EMILIN2: variants seen among roughly 807,000 people sequenced by gnomAD.
The protein encoded by EMILIN2 is elastin microfibril interfacer 2, also known as EMILIN-2.
EMILIN2 carries 71 observed loss-of-function variants against 87.1 expected under a neutral mutation model. The ratio of observed to expected loss-of-function variants is 0.82; its 90% CI spans 0.67 to 0.99. EMILIN2 has a LOEUF of 0.99. EMILIN2 is among the 50% of genes least tolerant of loss of function. The probability of loss-of-function intolerance (pLI) is 0.00; values close to 1 mark genes in which losing one functional copy is unlikely to be tolerated. For synonymous variants in EMILIN2, 581 were observed against 563.4 expected (o/e 1.03, Z -0.44); for missense variants, 1,407 against 1,371.8 (o/e 1.03, Z -0.40).
At position 2,914,232 on chromosome 18, in the gene EMILIN2, A is replaced by G. The variant is rs2076955756; in HGVS notation, c.*828A>G. The G allele has an allele frequency of 6.6e-6, 1 of 152,256 alleles. No homozygotes were observed. The highest frequency in any genetic ancestry group is 6.5e-5 in the Admixed American group (1 of 15,284). 9.4% of individuals were successfully genotyped at this position (152,256 alleles called of 1,614,324 possible). On this transcript the variant is annotated 3_prime_UTR_variant, in exon 8 of 8. Coordinates refer to ENST00000254528, the MANE Select transcript of EMILIN2 (RefSeq NM_032048.3). ...TGTTACCCCTCCGCATCCAAGCTAT[A>G]CACTTGGGTTTTGTTTCTGGCTTGT...
rs1171119474 is a variant in EMILIN2, at chr18:2,887,041, T to G, written c.433+1902T>G. ...CCCCTTGCTTTGCTTGAGCATGTCC[T>G]TTAGTAGCTTCATGAGACAATTACA... On this transcript the variant is annotated intron_variant, in intron 3 of 7. Coordinates refer to ENST00000254528, the MANE Select transcript of EMILIN2 (RefSeq NM_032048.3). Among the ~76,000 whole-genome samples, 3 of 152,224 alleles carry G rather than the reference T, an allele frequency of 2.0e-5. No individual in the cohort carries two copies. The East Asian group carries it at 5.8e-4, about 29-fold the overall frequency.
intron 2 of EMILIN2, among the ~76,000 whole-genome samples, chr18:2,852,071 A>C (rs549849621): frequency 1.3e-5 from 2 of 152,206 alleles, no homozygotes; most frequent in African/African-American, 4.8e-5. Context: ...TAGGTTGCAC[A>C]GTACTCAACT....
Position 2,858,553 on chromosome 18 carries a change from ATATATATATATATATATG to A in EMILIN2, c.257+10624_257+10641del, listed in dbSNP as rs1214387564. Among the ~76,000 whole-genome samples the A allele has an allele frequency of 5.2e-4, 26 of 50,046 alleles. 1 individual carries two copies. Among genetic ancestry groups the A allele is most frequent in the East Asian group, 2.5e-3 (2 of 814 alleles). 32.8% of individuals were successfully genotyped at this position (50,046 alleles called of 152,430 possible). A position where few individuals can be genotyped will look rare whatever the true frequency, so the allele number is the denominator to read the frequency against. On this transcript the variant is annotated intron_variant, in intron 2 of 7. Coordinates refer to ENST00000254528, the MANE Select transcript of EMILIN2 (RefSeq NM_032048.3). Reference sequence around the variant, plus strand: ...TATATATATATATATATATATATATATATATATATATATATATGTGTGTGTGTGTGTATATATATATAT... The same window carrying A: ...TATATATATATATATATATATATATATGTGTGTGTGTGTATATATATATAT...
chr18:2,858,583 GTATATATATATATATATA>G (rs1555665466), intron 2 of EMILIN2, among the ~76,000 whole-genome samples: 25 of 63,030 alleles, frequency 4.0e-4, no homozygotes, highest in Non-Finnish European at 3.6e-4. Flanking sequence ...GTGTGTGTGT[GTATATATATATATATATA>G]TGTGTATATA....
At chr18:2,849,762 G>A (rs1346748929) in intron 2 of EMILIN2, among the ~76,000 whole-genome samples, 2 of 152,208 alleles carry the variant, frequency 1.3e-5, no homozygotes, top group African/African-American at 4.8e-5. Flanking sequence ...TAAGTGTGAA[G>A]TTTAAGAAAC....
intron 2 of EMILIN2, among the ~76,000 whole-genome samples, chr18:2,874,047 A>G (rs2076735530): frequency 6.6e-6 from 1 of 152,218 alleles, no homozygotes; most frequent in African/African-American, 2.4e-5. Context: ...CTTAAAGGAC[A>G]TCATAGTTGT....
intron 2 of EMILIN2, among the ~76,000 whole-genome samples, chr18:2,868,458 T>TGCA (rs1555666365): frequency 6.6e-6 from 1 of 151,468 alleles, no homozygotes; most frequent in Non-Finnish European, 1.5e-5. Context: ...GGCTGGGAGG[T>TGCA]GGTTGCAGCC....
intron 2 of EMILIN2, among the ~76,000 whole-genome samples, chr18:2,860,467 T>A (rs1181807702): frequency 6.6e-6 from 1 of 152,202 alleles, no homozygotes; most frequent in Non-Finnish European, 1.5e-5. Context: ...AATTCCCACC[T>A]GTGAGTGAGA....
At chr18:2,887,473 G>T (rs1399154444) in intron 3 of EMILIN2, among the ~76,000 whole-genome samples, 1 of 127,324 alleles carries the variant, frequency 7.9e-6, no homozygotes, top group African/African-American at 3.1e-5. Context: ...CCTCCTTGCG[G>T]TAATAAATGA....
rs9965534 is a variant in EMILIN2 at position 2,864,763 on chromosome 18, T to C, written c.257+16832T>C. On this transcript the variant is annotated intron_variant, in intron 2 of 7. Transcript: ENST00000254528. ...TATTTCCTGAATTTGAATGTTGGCC[T>C]GCCTTACTAGATTGGGGAAGTTCTC... is the stretch of plus-strand genomic sequence containing the variant. Among the ~76,000 whole-genome samples, 411 of 152,258 alleles carry C rather than the reference T, an allele frequency of 2.7e-3. 1 individual carries two copies. Among genetic ancestry groups the C allele is most frequent in the African/African-American group, 9.1e-3 (377 of 41,502 alleles).
chr18:2,863,806 T>C (rs941045688), intron 2 of EMILIN2, among the ~76,000 whole-genome samples: 2 of 152,216 alleles, frequency 1.3e-5, no homozygotes, highest in African/African-American at 4.8e-5. Context: ...ATCTGTCTAA[T>C]GTTGACAGTG....
chr18:2,879,600 G>A lies in EMILIN2; in HGVS notation c.258-5364G>A, dbSNP rs529384295. Among the ~76,000 whole-genome samples the A allele has an allele frequency of 1.4e-3, 209 of 152,108 alleles. 3 individuals carry two copies. Among genetic ancestry groups the A allele is most frequent in the Non-Finnish European group, 1.6e-3 (108 of 67,992 alleles). ...CGCTTGAGCCCAGGAGGCAGAGGTTGCAGTGAGCCAAGATCGCACCACTGC... is the reference window on the plus strand; with the variant it reads ...CGCTTGAGCCCAGGAGGCAGAGGTTACAGTGAGCCAAGATCGCACCACTGC... On this transcript the variant is annotated intron_variant, in intron 2 of 7. Coordinates refer to ENST00000254528, the MANE Select transcript of EMILIN2 (RefSeq NM_032048.3).
rs181260452 is a variant in EMILIN2, at chr18:2,883,589, C to T, written c.258-1375C>T. Among the ~76,000 whole-genome samples, 352 of 152,290 alleles carry T rather than the reference C, an allele frequency of 2.3e-3. 1 individual carries two copies. Among genetic ancestry groups the T allele is most frequent in the African/African-American group, 7.9e-3 (329 of 41,564 alleles). On this transcript the variant is annotated intron_variant, in intron 2 of 7. Transcript: ENST00000254528. ...CCTGTGCTGTGAGCAGGGGCCGCTG[C>T]GGGGGCTGAACTCCTGGCTCCTTCC... is the stretch of plus-strand genomic sequence containing the variant.
intron 2 of EMILIN2, among the ~76,000 whole-genome samples, chr18:2,861,155 T>G (rs1189525331): frequency 3.3e-5 from 5 of 152,244 alleles, no homozygotes; most frequent in Admixed American, 6.5e-5. Flanking sequence ...ATGAGTAGAT[T>G]GCAAAAATGT....
rs993036932 is a variant in EMILIN2, at chr18:2,894,075, G to C, written c.2359+1589G>C. ...CCTGGTTCCGCTCTGGGTGACACAG[G>C]CCCTTGCACAAGGAACTGAGATTTC... is the stretch of plus-strand genomic sequence containing the variant. On this transcript the variant is annotated intron_variant, in intron 4 of 7. Coordinates refer to ENST00000254528, the MANE Select transcript of EMILIN2 (RefSeq NM_032048.3). The surrounding 1 kb of genome is among the most constrained non-coding windows in gnomAD (Gnocchi z 5.0). Among the ~76,000 whole-genome samples the C allele has an allele frequency of 6.6e-6, 1 of 152,130 alleles. No homozygotes were observed. The highest frequency in any genetic ancestry group is 2.4e-5 in the African/African-American group (1 of 41,418).
chr18:2,890,778 G>A lies in EMILIN2; in HGVS notation c.651G>A (p.Gln217=). 1 of 1,613,768 alleles carries A rather than the reference G, an allele frequency of 6.2e-7. No individual in the cohort carries two copies. Among genetic ancestry groups the A allele is most frequent in the Non-Finnish European group, 8.5e-7 (1 of 1,179,812 alleles). ...GTGAAAATCTCAAACATGCCACTCA[G>A]GATGATGCCAGTAGAACACGGGCAC... ...GVSENLKHAT[Q]DDASRTRAPG... The change falls in exon 4 of 8, where the codon CAG becomes CAA. Residue 217 remains glutamine, a synonymous_variant. Transcript: ENST00000254528. The surrounding 1 kb of genome is among the most constrained non-coding windows in gnomAD (Gnocchi z 4.7).
At chr18:2,904,413 T>C (rs2076900654) in intron 4 of EMILIN2, among the ~76,000 whole-genome samples, 1 of 152,222 alleles carries the variant, frequency 6.6e-6, no homozygotes, top group Non-Finnish European at 1.5e-5. Flanking sequence ...CTGATTTCTT[T>C]TTTTCTGGAA....
chr18:2,858,583 G>GTATATATATATATA lies in EMILIN2; in HGVS notation c.257+10658_257+10671dup, dbSNP rs1555665466. Among the ~76,000 whole-genome samples, 97 of 63,024 alleles carry GTATATATATATATA rather than the reference G, an allele frequency of 1.5e-3. 1 individual carries two copies. The highest frequency in any genetic ancestry group is 4.7e-3 in the South Asian group (8 of 1,690). The allele number at this position is 63,024 out of a possible 152,430, so 41.3% of individuals were successfully genotyped here. A position where few individuals can be genotyped will look rare whatever the true frequency, so the allele number is the denominator to read the frequency against. The stretch of plus-strand genomic sequence containing the variant: ...TATATATATATATGTGTGTGTGTGT[G>GTATATATATATATA]TATATATATATATATATATGTGTAT... On this transcript the variant is annotated intron_variant, in intron 2 of 7. Transcript: ENST00000254528.
rs983625087 is a variant in EMILIN2 at position 2,847,333 on chromosome 18, G to C, written c.134+11G>C. 7.7e-7 allele frequency: 1 copy of C among 1,305,902 alleles called. No individual in the cohort carries two copies. Among genetic ancestry groups the C allele is most frequent in the African/African-American group, 1.6e-5 (1 of 64,488 alleles). The allele number at this position is 1,305,902 out of a possible 1,614,324, so 80.9% of individuals were successfully genotyped here. A position where few individuals can be genotyped will look rare whatever the true frequency, so the allele number is the denominator to read the frequency against. On this transcript the variant is annotated intron_variant, in intron 1 of 7. Transcript: ENST00000254528. This position sits in a 1 kb window ranked among gnomAD's most constrained non-coding sequence, Gnocchi z 4.5. ...CAGCGCCAGGAACAAGTAAGTGCGC[G>C]CCCCTTGGCTGGCCCCAAACCGCCT...
Sources: gnomAD v4.1 joint callset for allele counts (sites outside exome capture counted in the v4.1 genomes callset) on GRCh38, gnomAD v4.1.1 for gene constraint, Gnocchi (gnomAD v3.1) non-coding constraint, MANE v1.5 for transcripts, NCBI Gene and HGNC (gene_info 2026-07-23, HGNC 2026-07-21) for gene names.